The following SVEP1 variants were observed in gnomAD, a reference collection of about 807,000 sequenced individuals.
The protein encoded by SVEP1 is sushi, von Willebrand factor type A, EGF and pentraxin domain-containing protein 1.
In SVEP1, 164 loss-of-function variants were observed where a neutral mutation model predicts 367.3. The ratio of observed to expected loss-of-function variants is 0.45; its 90% CI spans 0.39 to 0.51. SVEP1 has a LOEUF of 0.51. Ranked by LOEUF, SVEP1 falls within the 20% of genes least tolerant of loss-of-function variation. The probability of loss-of-function intolerance (pLI) is 0.00; values close to 1 mark genes in which losing one functional copy is unlikely to be tolerated. For synonymous variants in SVEP1, 1,666 were observed against 1,611.6 expected (o/e 1.03, Z -0.81); for missense variants, 4,117 against 4,425.3 (o/e 0.93, Z 1.98).
chr9:110,432,152 T>C, intron 31 of SVEP1, 118 bp from the exon 32 acceptor site: 1 of 1,157,122 alleles, frequency 8.6e-7, no homozygotes, highest in Non-Finnish European at 1.2e-6. Flanking sequence ...CATATATTTG[T>C]ATAGAATTTA....
intron 3 of SVEP1, among the ~76,000 whole-genome samples, chr9:110,534,850 C>T (rs955219511): frequency 6.6e-5 from 10 of 151,982 alleles, no homozygotes; most frequent in African/African-American, 2.4e-5. Context: ...TGTCCTTTGC[C>T]CATGTTTTAA....
Position 110,579,435 on chromosome 9 carries a change from C to A in SVEP1, c.109G>T (p.Glu37Ter). The change falls in exon 1 of 48, where the codon GAG becomes TAG. Residue 37 changes from glutamate (E) to a stop codon, truncating the protein, a stop_gained. Transcript: ENST00000374469. LOFTEE classifies it high-confidence loss of function. The surrounding 1 kb of genome is among the most constrained non-coding windows in gnomAD (Gnocchi z 5.3). ...CTCCCGGGGGCCCCGGGCGCGGTCT[C>A]GGGGAAGAGGCGGAAGCTGAAATTG... Reference protein sequence around the residue: ...SRNFSFRLFPETAPGAPGSIP... With the variant: ...SRNFSFRLFP The A allele has an allele frequency of 6.3e-7, 1 of 1,591,850 alleles. No individual in the cohort carries two copies.
At position 110,579,438 on chromosome 9, in the gene SVEP1, G is replaced by A; in HGVS notation, c.106C>T (p.Pro36Ser). 1.3e-6 allele frequency: 2 copies of A among 1,593,132 alleles called. No homozygotes were observed. The highest frequency in any genetic ancestry group is 1.1e-5 in the South Asian group (1 of 88,188). The change falls in exon 1 of 48, where the codon CCC (proline) becomes TCC (serine). Residue 36 changes from proline (P) to serine (S), a missense_variant. Physicochemically the swap from Pro to Ser is moderately conservative, Grantham distance 74. This residue lies in a region of SVEP1 where 161 missense variants were observed against 122.4 expected (regional missense o/e 1.32). Transcript: ENST00000374469. The surrounding 1 kb of genome is among the most constrained non-coding windows in gnomAD (Gnocchi z 5.3). ...CCGGGGGCCCCGGGCGCGGTCTCGGGGAAGAGGCGGAAGCTGAAATTGCGC... is the reference window on the plus strand; with the variant it reads ...CCGGGGGCCCCGGGCGCGGTCTCGGAGAAGAGGCGGAAGCTGAAATTGCGC... ...PSRNFSFRLF[P>S]ETAPGAPGSI...
intron 5 of SVEP1, among the ~76,000 whole-genome samples, chr9:110,509,301 C>T (rs904717606): frequency 3.9e-5 from 6 of 152,270 alleles, no homozygotes; most frequent in South Asian, 4.1e-4. Flanking sequence ...ATATGGTATG[C>T]GTTTCATAGA....
rs182720085 is a variant in SVEP1, at chr9:110,490,174, A to T, written c.1801-395T>A. ...AAACAGTTTTGAACAGATAATTTAA[A>T]CATATTTTTTCTTCTTCTTTTCTTT... is the stretch of plus-strand genomic sequence containing the variant. On this transcript the variant is annotated intron_variant, in intron 8 of 47. Coordinates refer to ENST00000374469, the MANE Select transcript of SVEP1 (RefSeq NM_153366.4). Among the ~76,000 whole-genome samples, 9 of 152,288 alleles carry T rather than the reference A, an allele frequency of 5.9e-5. No homozygotes were observed. The East Asian group carries it at 1.7e-3, about 29-fold the overall frequency.
At chr9:110,458,667 C>T (rs1201100850) in intron 19 of SVEP1, 105 bp from the exon 20 acceptor site, 1 of 1,139,494 alleles carries the variant, frequency 8.8e-7, no homozygotes, top group African/African-American at 1.6e-5. Flanking sequence ...GGTAAAGCCA[C>T]ATATATTTTG....
Position 110,514,088 on chromosome 9 carries a change from T to A in SVEP1, c.983A>T (p.Tyr328Phe). Residue 328 changes from tyrosine to phenylalanine, a missense_variant, in exon 4 of 48, where the codon TAC becomes TTC. Physicochemically the swap from Tyr to Phe is conservative, Grantham distance 22. Coordinates refer to ENST00000374469, the MANE Select transcript of SVEP1 (RefSeq NM_153366.4). Reference protein sequence around the residue: ...YECTACPSGTYKPEGSPGGIS... With the variant: ...YECTACPSGTFKPEGSPGGIS... ...TCCTCCTGGTGAGCCTTCAGGTTTG[T>A]ATGTCCCCGATGGGCAAGCTGTGGG... 6.2e-7 allele frequency: 1 copy of A among 1,610,356 alleles called. No homozygotes were observed. Among genetic ancestry groups the A allele is most frequent in the Non-Finnish European group, 8.5e-7 (1 of 1,178,192 alleles).
In SVEP1 at chr9:110,508,930, G is replaced by A. The variant is rs565862559; in HGVS notation, c.1303+3996C>T. On this transcript the variant is annotated intron_variant, in intron 5 of 47. Transcript: ENST00000374469. The stretch of plus-strand genomic sequence containing the variant: ...ACAATGTAACATGATATTTGTAAAA[G>A]GCTTTAGATTTTATGCAGGTCTTTC... 2.0e-5 allele frequency among the ~76,000 whole-genome samples: 3 copies of A among 152,204 alleles called. No homozygotes were observed. The South Asian group carries it at 6.2e-4, about 32-fold the overall frequency.
chr9:110,475,657 C>T (rs1829089103), intron 14 of SVEP1, among the ~76,000 whole-genome samples: 1 of 151,804 alleles, frequency 6.6e-6, no homozygotes, highest in Non-Finnish European at 1.5e-5. Flanking sequence ...CACCTCATCC[C>T]CCTAAGTAGC....
chr9:110,452,122 T>A (rs1018593801), intron 22 of SVEP1, among the ~76,000 whole-genome samples: 1 of 152,210 alleles, frequency 6.6e-6, no homozygotes, highest in Non-Finnish European at 1.5e-5. Flanking sequence ...TACCTTGACA[T>A]TAAAATATGC....
chr9:110,527,971 C>T (rs1324170982), intron 3 of SVEP1, among the ~76,000 whole-genome samples: 1 of 151,200 alleles, frequency 6.6e-6, no homozygotes, highest in African/African-American at 2.4e-5. Context: ...GTTTTCCATT[C>T]CTGAGTTACT....
chr9:110,554,237 G>A (rs1830327702), intron 1 of SVEP1, among the ~76,000 whole-genome samples: 1 of 151,734 alleles, frequency 6.6e-6, no homozygotes, highest in Non-Finnish European at 1.5e-5. Flanking sequence ...AAATGTTTGT[G>A]GTTAACTTTG....
chr9:110,432,068 G>T, intron 31 of SVEP1, 34 bp from the exon 32 acceptor site: 1 of 1,560,532 alleles, frequency 6.4e-7, no homozygotes, highest in East Asian at 2.3e-5. Context: ...TATTAAAGTT[G>T]ATTCCTTTTC....
At chr9:110,387,612 T>C (rs1310703061) in intron 41 of SVEP1, among the ~76,000 whole-genome samples, 154 bp from the exon 42 acceptor site, 1 of 152,214 alleles carries the variant, frequency 6.6e-6, no homozygotes, top group Non-Finnish European at 1.5e-5. Flanking sequence ...GAGAAAAATA[T>C]AGCATACCTA....
chr9:110,461,849 G>A (rs1411246441), intron 18 of SVEP1, among the ~76,000 whole-genome samples: 1 of 152,114 alleles, frequency 6.6e-6, no homozygotes, highest in Non-Finnish European at 1.5e-5. Flanking sequence ...ATTTCACTAA[G>A]AACAAGCTAA....
intron 8 of SVEP1, among the ~76,000 whole-genome samples, chr9:110,495,817 T>C (rs1409369992): frequency 1.3e-5 from 2 of 152,206 alleles, no homozygotes; most frequent in Admixed American, 6.5e-5. Flanking sequence ...ATTAAAATAC[T>C]GTGTTCTGAA....
intron 3 of SVEP1, among the ~76,000 whole-genome samples, chr9:110,517,525 G>T (rs941508493): frequency 2.0e-5 from 3 of 150,364 alleles, no homozygotes; most frequent in Non-Finnish European, 2.9e-5. Flanking sequence ...TTGAACTCGG[G>T]AAGCGGAGGT....
chr9:110,395,976 T>C (rs1827751870), intron 40 of SVEP1, among the ~76,000 whole-genome samples: 1 of 151,418 alleles, frequency 6.6e-6, no homozygotes, highest in Admixed American at 6.6e-5. Context: ...TACCCAGGAA[T>C]TGAACTCAGC....
At chr9:110,471,743 A>C in intron 15 of SVEP1, 146 bp from the exon 16 acceptor site, 1 of 661,344 alleles carries the variant, frequency 1.5e-6, no homozygotes, top group Non-Finnish European at 2.5e-6. Flanking sequence ...TCTTTCAGGA[A>C]AAATTAATTC....
Sources: allele counts gnomAD v4.1 joint callset (sites outside exome capture counted in the v4.1 genomes callset), GRCh38; gene constraint gnomAD v4.1.1; regional missense constraint gnomAD v4.1.1; non-coding constraint Gnocchi (gnomAD v3.1); transcripts MANE v1.5; gene names NCBI Gene and HGNC (gene_info 2026-07-23, HGNC 2026-07-21).